Variants in CEP85 observed in about 807,000 individuals in gnomAD.
CEP85 encodes the protein centrosomal protein of 85 kDa.
A neutral mutation model predicts 93.7 loss-of-function variants in CEP85; 58 were observed. The ratio of observed to expected loss-of-function variants is 0.62; its 90% CI spans 0.50 to 0.77. The LOEUF is 0.77. Ranked by LOEUF, CEP85 falls within the 30% of genes least tolerant of loss-of-function variation. The pLI, the probability that CEP85 is intolerant of heterozygous loss-of-function variation, is 0.00. For missense variants in CEP85, 868 were observed against 922.0 expected, an observed-to-expected ratio of 0.94 and a Z score of 0.76; for synonymous variants, 314 against 338.6, an observed-to-expected ratio of 0.93 and a Z score of 0.80.
intron 10 of CEP85, 144 bp from the exon 11 acceptor site, chr1:26,271,877 A>G (rs115352281): frequency 4.4e-6 from 3 of 686,710 alleles, no homozygotes; most frequent in Non-Finnish European, 5.2e-6. Context: ...TTATATTCCT[A>G]TAGGTAGAGT....
chr1:26,266,271 T>C (rs2089894013), intron 7 of CEP85, among the ~76,000 whole-genome samples: 2 of 152,262 alleles, frequency 1.3e-5, no homozygotes, highest in South Asian at 4.1e-4. Context: ...GCTTGTAGTC[T>C]AAGCTACTGA....
intron 2 of CEP85, 59 bp downstream of exon 2, chr1:26,239,897 C>A: frequency 7.9e-7 from 1 of 1,260,886 alleles, no homozygotes; most frequent in South Asian, 1.2e-5. Flanking sequence ...TTTTCATATT[C>A]CTTAAGGTAA....
At chr1:26,245,254 C>G (rs2089491583) in intron 3 of CEP85, among the ~76,000 whole-genome samples, 1 of 150,560 alleles carries the variant, frequency 6.6e-6, no homozygotes, top group Non-Finnish European at 1.5e-5. Flanking sequence ...GTCTCAAACT[C>G]TTTGCCTGAA....
At position 26,268,594 on chromosome 1, in the gene CEP85, G is replaced by T; in HGVS notation, c.1453G>T (p.Asp485Tyr). 1 of 1,613,750 alleles carries T rather than the reference G, an allele frequency of 6.2e-7. No individual in the cohort carries two copies. Among genetic ancestry groups the T allele is most frequent in the South Asian group, 1.1e-5 (1 of 91,010 alleles). The change falls in exon 8 of 14, where the codon GAC becomes TAC. Residue 485 changes from aspartate (D) to tyrosine (Y), a missense_variant. Asp to Tyr is a radical substitution (Grantham distance 160). Transcript: ENST00000451429. ...TGAGACCTTGGAGCGCTACCTGGCT[G>T]ACCTGCCCACACTGGAAGACCATCA... ...RIETLERYLA[D>Y]LPTLEDHQKQ... is the part of the protein sequence containing the mutation.
At chr1:26,244,798 AG>A (rs1463029433) in intron 3 of CEP85, among the ~76,000 whole-genome samples, 1 of 152,032 alleles carries the variant, frequency 6.6e-6, no homozygotes, top group African/African-American at 2.4e-5. Flanking sequence ...CTGAGATTAC[AG>A]GAATGAGCCC....
intron 7 of CEP85, among the ~76,000 whole-genome samples, chr1:26,264,812 TTTTTGTTTG>T (rs1019105362): frequency 1.3e-5 from 2 of 151,992 alleles, no homozygotes; most frequent in African/African-American, 2.4e-5. Flanking sequence ...TACATAGTTT[TTTTTGTTTG>T]TTTTTGAGAC....
At chr1:26,269,678 C>A in intron 9 of CEP85, 64 bp downstream of exon 9, 2 of 1,320,288 alleles carry the variant, frequency 1.5e-6, no homozygotes. Context: ...CCATCCTGCT[C>A]ACTTACCTGT....
chr1:26,271,337 G>T (rs2089972991), intron 10 of CEP85: 14 of 443,182 alleles, frequency 3.2e-5, no homozygotes, highest in Non-Finnish European at 5.8e-5. Context: ...AAGAGGAGGG[G>T]TGATATGCCT....
rs540956594 is a variant in CEP85, at chr1:26,265,890, C to T, written c.1342-2593C>T. Among the ~76,000 whole-genome samples, 4 of 152,034 alleles carry T rather than the reference C, an allele frequency of 2.6e-5. No homozygotes were observed. The South Asian group carries it at 8.3e-4, about 32-fold the overall frequency. On this transcript the variant is annotated intron_variant, in intron 7 of 13. Transcript: ENST00000451429. ...GAGCCCAGTTCAAGAACAGCCTGGG[C>T]AACATGACGAGACTCCATCTCTATA...
intron 3 of CEP85, among the ~76,000 whole-genome samples, chr1:26,245,464 G>T (rs568038638): frequency 6.6e-6 from 1 of 151,972 alleles, no homozygotes; most frequent in African/African-American, 2.4e-5. Context: ...CAAATGTCCC[G>T]CAGGCTTTTC....
intron 9 of CEP85, among the ~76,000 whole-genome samples, chr1:26,270,281 A>G (rs556709325): frequency 6.1e-4 from 93 of 152,308 alleles, no homozygotes; most frequent in African/African-American, 2.1e-3. Context: ...AGAGTTATCC[A>G]CAGTTCGAGC....
intron 7 of CEP85, among the ~76,000 whole-genome samples, chr1:26,264,134 A>C (rs1003534048): frequency 6.6e-6 from 1 of 152,106 alleles, no homozygotes; most frequent in African/African-American, 2.4e-5. Flanking sequence ...GGGTGTTTAC[A>C]TCTGTTTATA....
At chr1:26,246,920 C>A (rs1374619938) in intron 3 of CEP85, among the ~76,000 whole-genome samples, 1 of 152,102 alleles carries the variant, frequency 6.6e-6, no homozygotes, top group Non-Finnish European at 1.5e-5. Context: ...CCCTTTATAT[C>A]AGGGGTCTCC....
intron 2 of CEP85, among the ~76,000 whole-genome samples, chr1:26,243,799 A>G (rs1051989382): frequency 1.3e-5 from 2 of 151,988 alleles, no homozygotes; most frequent in African/African-American, 4.8e-5. Context: ...GGAGTTCAAG[A>G]CCAGCCTGGC....
At chr1:26,264,368 A>G (rs1414145462) in intron 7 of CEP85, among the ~76,000 whole-genome samples, 1 of 152,162 alleles carries the variant, frequency 6.6e-6, no homozygotes, top group African/African-American at 2.4e-5. Context: ...TCCTGTCTCA[A>G]CTAAAAATAC....
chr1:26,248,722 C>CTTTTTTTTTGTTTTTTTTTTT (rs2089551130), intron 3 of CEP85, among the ~76,000 whole-genome samples: 1 of 56,194 alleles, frequency 1.8e-5, no homozygotes, highest in Admixed American at 3.1e-4. Context: ...GTCTTGAACT[C>CTTTTTTTTTGTTTTTTTTTTT]TTTTTTTTTT....
chr1:26,260,233 G>A (rs180925383), intron 7 of CEP85, among the ~76,000 whole-genome samples: 1 of 152,296 alleles, frequency 6.6e-6, no homozygotes, highest in African/African-American at 2.4e-5. Context: ...GCTCACGCCT[G>A]TAATCCCAGC....
chr1:26,262,819 T>G (rs2089832688), intron 7 of CEP85, among the ~76,000 whole-genome samples: 1 of 152,318 alleles, frequency 6.6e-6, no homozygotes, highest in East Asian at 1.9e-4. Flanking sequence ...TCACTTCAAT[T>G]TCCACCTCTC....
chr1:26,274,828 A>G (rs1192834758), intron 11 of CEP85, 136 bp from the exon 12 acceptor site: 1 of 657,386 alleles, frequency 1.5e-6, no homozygotes, highest in Non-Finnish European at 2.6e-6. Context: ...ACAAATCAGG[A>G]CTGTTCTAAA....
Sources: gnomAD v4.1 joint callset for allele counts (sites outside exome capture counted in the v4.1 genomes callset) on GRCh38, gnomAD v4.1.1 for gene constraint, MANE v1.5 for transcripts, NCBI Gene and HGNC (gene_info 2026-07-23, HGNC 2026-07-21) for gene names.